EYA2: variants seen among roughly 807,000 people sequenced by gnomAD.
EYA2 encodes protein phosphatase EYA2.
EYA2 carries 31 observed loss-of-function variants against 69.2 expected under a neutral mutation model. That is an observed-to-expected ratio of 0.45 (90% CI 0.34 to 0.60). The LOEUF (loss-of-function observed/expected upper bound fraction) is 0.60. EYA2 is among the 20% of genes least tolerant of loss of function. EYA2 has a pLI of 0.02. For missense variants in EYA2, 622 were observed against 701.2 expected (o/e 0.89, Z 1.28); for synonymous variants, 257 against 279.4 (o/e 0.92, Z 0.80).
chr20:47,008,394 G>A (rs1285564822), intron 4 of EYA2, among the ~76,000 whole-genome samples: 1 of 152,218 alleles, frequency 6.6e-6, no homozygotes, highest in African/African-American at 2.4e-5. Flanking sequence ...TCCGACGCCT[G>A]GCTGTGCATT....
chr20:46,951,768 C>T (rs993426594), intron 1 of EYA2, among the ~76,000 whole-genome samples: 6 of 152,122 alleles, frequency 3.9e-5, no homozygotes, highest in South Asian at 2.1e-4. Context: ...AGGATGGGGG[C>T]GAGAGTGTGG....
intron 9 of EYA2, among the ~76,000 whole-genome samples, chr20:47,115,136 G>A (rs1461410911): frequency 1.3e-5 from 2 of 152,190 alleles, no homozygotes; most frequent in Non-Finnish European, 2.9e-5. Context: ...TTTGCTCACA[G>A]GTGGGGCCTC....
chr20:47,060,555 C>A (rs78916570), intron 5 of EYA2, among the ~76,000 whole-genome samples: 3,157 of 152,336 alleles, frequency 0.021, 46 homozygotes, highest in South Asian at 0.069. Flanking sequence ...TCAGCCTGGG[C>A]AGAGGGAAGC....
At chr20:47,116,132 G>T (rs1307699855) in intron 9 of EYA2, among the ~76,000 whole-genome samples, 1 of 150,210 alleles carries the variant, frequency 6.7e-6, no homozygotes, top group African/African-American at 2.4e-5. Context: ...TTATTTCTGG[G>T]TGTGATTATT....
chr20:47,125,985 A>C (rs4141915), intron 9 of EYA2, among the ~76,000 whole-genome samples: 1 of 152,168 alleles, frequency 6.6e-6, no homozygotes, highest in Non-Finnish European at 1.5e-5. Flanking sequence ...TAATTGACAC[A>C]GAAGAAAAGT....
At chr20:46,936,970 G>A (rs191573545) in intron 1 of EYA2, among the ~76,000 whole-genome samples, 103 of 152,318 alleles carry the variant, frequency 6.8e-4, no homozygotes, top group African/African-American at 2.2e-3. Context: ...AGGTCAGCTC[G>A]GGGCGCAGTC....
intron 1 of EYA2, among the ~76,000 whole-genome samples, chr20:46,900,326 G>A (rs1218466896): frequency 6.6e-6 from 1 of 152,154 alleles, no homozygotes; most frequent in Non-Finnish European, 1.5e-5. Context: ...AAATCTGTCA[G>A]TTCCCCTTTC....
At chr20:47,126,412 G>C (rs977407307) in intron 9 of EYA2, among the ~76,000 whole-genome samples, 3 of 152,264 alleles carry the variant, frequency 2.0e-5, no homozygotes, top group African/African-American at 7.2e-5. Flanking sequence ...GTTTTCGTGA[G>C]GTTAAGTGGC....
intron 1 of EYA2, among the ~76,000 whole-genome samples, chr20:46,986,640 C>T (rs1448196565): frequency 1.3e-5 from 2 of 152,088 alleles, no homozygotes; most frequent in African/African-American, 4.8e-5. Flanking sequence ...GCATCAGTAT[C>T]TGTTCCGCTT....
intron 1 of EYA2, among the ~76,000 whole-genome samples, chr20:46,980,790 A>G (rs1328558494): frequency 6.6e-6 from 1 of 152,182 alleles, no homozygotes; most frequent in Non-Finnish European, 1.5e-5. Context: ...CAGTAATCAC[A>G]GTCTACTCTC....
intron 1 of EYA2, among the ~76,000 whole-genome samples, chr20:46,928,394 C>A (rs79115905): frequency 0.011 from 1,631 of 152,268 alleles, 28 homozygotes; most frequent in African/African-American, 0.036. Context: ...GTAATGACAT[C>A]TACTATTTAT....
rs540258172 is a variant in EYA2 at position 47,185,673 on chromosome 20, G to A, written c.1536+2282G>A. Among the ~76,000 whole-genome samples, 94 of 152,242 alleles carry A rather than the reference G, an allele frequency of 6.2e-4. 1 individual carries two copies. In the Middle Eastern group the frequency reaches 0.014, roughly 22 times the overall value. The stretch of plus-strand genomic sequence containing the variant: ...AATCTATCTTTGCAAAGAAAGGAGG[G>A]CTTGGCCGGGATGAGGGCAGGGTGG... On this transcript the variant is annotated intron_variant, in intron 15 of 15. Coordinates refer to ENST00000327619, the MANE Select transcript of EYA2 (RefSeq NM_005244.5).
At chr20:46,900,824 G>A (rs534547353) in intron 1 of EYA2, among the ~76,000 whole-genome samples, 1 of 152,200 alleles carries the variant, frequency 6.6e-6, no homozygotes, top group Admixed American at 6.5e-5. Context: ...CTTAGATATC[G>A]ATTTTATTTT....
chr20:46,962,287 A>G (rs1333985788), intron 1 of EYA2, among the ~76,000 whole-genome samples: 1 of 152,154 alleles, frequency 6.6e-6, no homozygotes, highest in Admixed American at 6.5e-5. Flanking sequence ...TCTGCCTCCC[A>G]AAGTTTTGGA....
chr20:46,918,646 C>T (rs888806400), intron 1 of EYA2, among the ~76,000 whole-genome samples: 1 of 152,172 alleles, frequency 6.6e-6, no homozygotes, highest in African/African-American at 2.4e-5. Context: ...CCACTGAAAT[C>T]TTGAACCTCT....
chr20:47,003,420 C>T (rs1382599114), intron 3 of EYA2, among the ~76,000 whole-genome samples: 6 of 152,204 alleles, frequency 3.9e-5, no homozygotes, highest in Non-Finnish European at 7.3e-5. Context: ...TTGTTGCAGA[C>T]AGGATGTGAT....
chr20:47,147,804 G>T (rs1370635508), intron 10 of EYA2, among the ~76,000 whole-genome samples: 1 of 152,112 alleles, frequency 6.6e-6, no homozygotes, highest in Non-Finnish European at 1.5e-5. Flanking sequence ...CACGCCTGTA[G>T]TCCTAACACT....
intron 1 of EYA2, among the ~76,000 whole-genome samples, chr20:46,935,975 A>G (rs535468124): frequency 3.9e-4 from 60 of 152,280 alleles, no homozygotes; most frequent in South Asian, 1.2e-3. Context: ...CATGCGGCTC[A>G]AGGGCAGTGC....
chr20:47,059,335 A>G lies in EYA2; in HGVS notation c.416-12850A>G, dbSNP rs148226298. 5.7e-3 allele frequency among the ~76,000 whole-genome samples: 864 copies of G among 152,260 alleles called. 11 individuals carry two copies. Among genetic ancestry groups the G allele is most frequent in the African/African-American group, 0.02 (814 of 41,566 alleles). On this transcript the variant is annotated intron_variant, in intron 5 of 15. Coordinates refer to ENST00000327619, the MANE Select transcript of EYA2 (RefSeq NM_005244.5). Reference sequence around the variant, plus strand: ...ATAAAACTTTATTTTCAGCATGTCAATGTAATTTCTGTTTATTTTGTTGTT... The same window carrying G: ...ATAAAACTTTATTTTCAGCATGTCAGTGTAATTTCTGTTTATTTTGTTGTT...
Sources: gnomAD v4.1 joint callset for allele counts (sites outside exome capture counted in the v4.1 genomes callset) on GRCh38, gnomAD v4.1.1 for gene constraint, MANE v1.5 for transcripts, NCBI Gene and HGNC (gene_info 2026-07-23, HGNC 2026-07-21) for gene names.